The following NKAIN2 variants were observed in gnomAD, a reference collection of about 807,000 sequenced individuals.
The protein encoded by NKAIN2 is sodium/potassium transporting ATPase interacting 2, also known as sodium/potassium-transporting ATPase subunit beta-1-interacting protein 2.
NKAIN2 carries 14 observed loss-of-function variants against 32.6 expected under a neutral mutation model. The ratio of observed to expected loss-of-function variants is 0.43; its 90% CI spans 0.28 to 0.67. The LOEUF is 0.67. Among genes scored for constraint, NKAIN2 ranks in the 30% least tolerant of loss-of-function variants. NKAIN2 has a pLI of 0.17. For synonymous variants in NKAIN2, 80 were observed against 87.2 expected (o/e 0.92, Z 0.46); for missense variants, 198 against 258.3 (o/e 0.77, Z 1.60).
chr6:124,446,369 G>T (rs1042854204), intron 3 of NKAIN2, among the ~76,000 whole-genome samples: 2 of 151,928 alleles, frequency 1.3e-5, no homozygotes, highest in Non-Finnish European at 2.9e-5. Context: ...TTGAGACAGG[G>T]TCTTGCTCTG....
intron 3 of NKAIN2, among the ~76,000 whole-genome samples, chr6:124,619,276 A>C (rs1042459733): frequency 1.3e-5 from 2 of 152,166 alleles, no homozygotes; most frequent in African/African-American, 4.8e-5. Context: ...AAAATGGAAA[A>C]GGAAGTTTTC....
intron 2 of NKAIN2, among the ~76,000 whole-genome samples, chr6:124,320,767 A>G (rs1342291698): frequency 6.6e-6 from 1 of 152,242 alleles, no homozygotes; most frequent in Non-Finnish European, 1.5e-5. Flanking sequence ...ACCTTGAAGT[A>G]TAATGACTGC....
At chr6:124,492,403 C>T (rs891700108) in intron 3 of NKAIN2, among the ~76,000 whole-genome samples, 38 of 151,728 alleles carry the variant, frequency 2.5e-4, no homozygotes, top group Non-Finnish European at 2.5e-4. Context: ...AATGTTCCTA[C>T]GGTTCAGTTA....
intron 2 of NKAIN2, among the ~76,000 whole-genome samples, chr6:124,338,360 G>A (rs903611690): frequency 6.6e-6 from 1 of 152,108 alleles, no homozygotes; most frequent in African/African-American, 2.4e-5. Context: ...AGCAATGATA[G>A]GTGATAAGTG....
rs3053601 is a variant in NKAIN2 at position 124,568,822 on chromosome 6, CAAAA to C, written c.274-89343_274-89340del. Among the ~76,000 whole-genome samples the C allele has an allele frequency of 2.4e-3, 191 of 80,498 alleles. 1 individual carries two copies. The highest frequency in any genetic ancestry group is 6.1e-3 in the South Asian group (12 of 1,982). The allele number at this position is 80,498 out of a possible 152,430, so 52.8% of individuals were successfully genotyped here. A position where few individuals can be genotyped will look rare whatever the true frequency, so the allele number is the denominator to read the frequency against. On this transcript the variant is annotated intron_variant, in intron 3 of 6. Coordinates refer to ENST00000368417, the MANE Select transcript of NKAIN2 (RefSeq NM_001040214.3). ...TATTATTGCTAGAAAAGCACTGTGG[CAAAA>C]AAAAAAAAAAAAAAAAAAAAGGAAC...
intron 1 of NKAIN2, among the ~76,000 whole-genome samples, chr6:123,858,140 G>C (rs1775633754): frequency 6.6e-6 from 1 of 151,138 alleles, no homozygotes; most frequent in African/African-American, 2.4e-5. Flanking sequence ...TTTTGAGAGG[G>C]ATACTCGCTC....
chr6:124,461,499 G>C (rs1386129734), intron 3 of NKAIN2, among the ~76,000 whole-genome samples: 4 of 151,398 alleles, frequency 2.6e-5, no homozygotes, highest in Non-Finnish European at 4.4e-5. Flanking sequence ...ATTACTTTTA[G>C]AAAATTTCTC....
At position 124,676,668 on chromosome 6, in the gene NKAIN2, T is replaced by C. The variant is rs149907286; in HGVS notation, c.474+18282T>C. Among the ~76,000 whole-genome samples, 297 of 152,248 alleles carry C rather than the reference T, an allele frequency of 2.0e-3. 2 individuals carry two copies. Among genetic ancestry groups the C allele is most frequent in the Non-Finnish European group, 3.6e-3 (245 of 68,022 alleles). ...AGCCTAGAATGCAGTGGCACAATCA[T>C]AGCTTACTGCAGCCTCAAAATCGTG... On this transcript the variant is annotated intron_variant, in intron 4 of 6. Coordinates refer to ENST00000368417, the MANE Select transcript of NKAIN2 (RefSeq NM_001040214.3).
At chr6:124,126,084 A>G (rs1432897794) in intron 1 of NKAIN2, among the ~76,000 whole-genome samples, 1 of 151,868 alleles carries the variant, frequency 6.6e-6, no homozygotes, top group Non-Finnish European at 1.5e-5. Context: ...CTGCCCTTCA[A>G]TTTTCTGTCC....
intron 1 of NKAIN2, among the ~76,000 whole-genome samples, chr6:124,213,416 TTTC>T (rs1791289831): frequency 6.6e-6 from 1 of 152,108 alleles, no homozygotes; most frequent in African/African-American, 2.4e-5. Context: ...CTGTTTGTGC[TTTC>T]AAAACTGCAC....
chr6:124,399,900 T>G (rs538484113), intron 3 of NKAIN2, among the ~76,000 whole-genome samples: 1 of 152,334 alleles, frequency 6.6e-6, no homozygotes, highest in East Asian at 1.9e-4. Context: ...TTTATGCTTT[T>G]ACTATTTCTA....
At chr6:124,378,662 A>G (rs1800093199) in intron 3 of NKAIN2, among the ~76,000 whole-genome samples, 1 of 152,162 alleles carries the variant, frequency 6.6e-6, no homozygotes, top group East Asian at 1.9e-4. Flanking sequence ...CTTCAGGTTA[A>G]TAATTTTTTA....
intron 1 of NKAIN2, among the ~76,000 whole-genome samples, chr6:124,238,469 C>T (rs1792895237): frequency 6.6e-6 from 1 of 152,030 alleles, no homozygotes; most frequent in East Asian, 1.9e-4. Context: ...ATAGAAGTCA[C>T]ATTCTTAGAG....
intron 1 of NKAIN2, among the ~76,000 whole-genome samples, chr6:124,234,070 AG>A (rs1792608301): frequency 6.6e-6 from 1 of 152,118 alleles, no homozygotes; most frequent in Non-Finnish European, 1.5e-5. Flanking sequence ...ACATTTATCA[AG>A]GCACCCCAAT....
At chr6:124,506,166 G>C (rs925324905) in intron 3 of NKAIN2, among the ~76,000 whole-genome samples, 1 of 147,836 alleles carries the variant, frequency 6.8e-6, no homozygotes, top group Non-Finnish European at 1.5e-5. Flanking sequence ...CGGGGACAGA[G>C]CAAGACTCCG....
At chr6:124,215,958 A>G (rs1315587097) in intron 1 of NKAIN2, among the ~76,000 whole-genome samples, 1 of 151,902 alleles carries the variant, frequency 6.6e-6, no homozygotes, top group African/African-American at 2.4e-5. Context: ...TCTCTACTAA[A>G]AATACAAAAA....
At chr6:124,381,914 G>A (rs1772661363) in intron 3 of NKAIN2, among the ~76,000 whole-genome samples, 1 of 152,088 alleles carries the variant, frequency 6.6e-6, no homozygotes, top group Non-Finnish European at 1.5e-5. Flanking sequence ...TTGTGTTAAA[G>A]CCTAACTTTA....
Position 124,595,210 on chromosome 6 carries a change from C to T in NKAIN2, c.274-62976C>T, listed in dbSNP as rs569349209. ...TCCGTAAGAATCTTCTCACTGCAAA[C>T]GTCCCATGATCGTTGCTCAGATGTC... On this transcript the variant is annotated intron_variant, in intron 3 of 6. Transcript: ENST00000368417. Among the ~76,000 whole-genome samples the T allele has an allele frequency of 3.3e-5, 5 of 152,264 alleles. No individual in the cohort carries two copies. In the East Asian group the frequency reaches 7.7e-4, roughly 24 times the overall value.
intron 3 of NKAIN2, among the ~76,000 whole-genome samples, chr6:124,400,542 C>T (rs1773581602): frequency 6.6e-6 from 1 of 152,128 alleles, no homozygotes; most frequent in Non-Finnish European, 1.5e-5. Context: ...GCCTAGGCAG[C>T]AGTACTCAAT....
Sources: allele counts gnomAD v4.1 joint callset (sites outside exome capture counted in the v4.1 genomes callset), GRCh38; gene constraint gnomAD v4.1.1; transcripts MANE v1.5; gene names NCBI Gene and HGNC (gene_info 2026-07-23, HGNC 2026-07-21).